KCTD16: variants seen among roughly 807,000 people sequenced by gnomAD.
KCTD16 encodes BTB/POZ domain-containing protein KCTD16.
A neutral mutation model predicts 33.2 loss-of-function variants in KCTD16; 13 were observed. That is an observed-to-expected ratio of 0.39 (90% CI 0.25 to 0.62). The LOEUF is 0.62. Among genes scored for constraint, KCTD16 ranks in the 20% least tolerant of loss-of-function variants. The pLI is 0.50. For synonymous variants in KCTD16, 197 were observed against 195.3 expected, an observed-to-expected ratio of 1.01 and a Z score of -0.07; for missense variants, 441 against 525.1, an observed-to-expected ratio of 0.84 and a Z score of 1.57.
chr5:144,430,228 T>A (rs2126968716), intron 3 of KCTD16, among the ~76,000 whole-genome samples: 1 of 152,302 alleles, frequency 6.6e-6, no homozygotes, highest in Non-Finnish European at 1.5e-5. Context: ...ACCAATGAGT[T>A]TCATTTTATA....
At chr5:144,286,722 T>TA (rs1755755697) in intron 3 of KCTD16, among the ~76,000 whole-genome samples, 1 of 152,210 alleles carries the variant, frequency 6.6e-6, no homozygotes, top group Non-Finnish European at 1.5e-5. Flanking sequence ...TCTCCATGAT[T>TA]AATTTTAAGA....
At chr5:144,290,227 A>G (rs1755858251) in intron 3 of KCTD16, among the ~76,000 whole-genome samples, 1 of 152,120 alleles carries the variant, frequency 6.6e-6, no homozygotes, top group Non-Finnish European at 1.5e-5. Flanking sequence ...TCCCTGAGGC[A>G]GAGATTGCAG....
At chr5:144,420,199 C>A (rs1028132307) in intron 3 of KCTD16, among the ~76,000 whole-genome samples, 2 of 152,026 alleles carry the variant, frequency 1.3e-5, no homozygotes, top group African/African-American at 4.8e-5. Context: ...AAAGTCTGTT[C>A]TGTGCGTTAT....
At chr5:144,256,953 T>C (rs1292703506) in intron 3 of KCTD16, among the ~76,000 whole-genome samples, 1 of 152,212 alleles carries the variant, frequency 6.6e-6, no homozygotes, top group African/African-American at 2.4e-5. Flanking sequence ...CTTAACTGTC[T>C]TTCTGAGAGG....
At chr5:144,221,765 C>A (rs1017692529) in intron 3 of KCTD16, among the ~76,000 whole-genome samples, 1 of 152,106 alleles carries the variant, frequency 6.6e-6, no homozygotes, top group African/African-American at 2.4e-5. Context: ...GATTTATAAT[C>A]CTTTGGGTAT....
chr5:144,355,323 A>T (rs1007106893), intron 3 of KCTD16, among the ~76,000 whole-genome samples: 1 of 152,214 alleles, frequency 6.6e-6, no homozygotes, highest in African/African-American at 2.4e-5. Flanking sequence ...AAATTCCAAA[A>T]TTTATCTTCT....
At chr5:144,388,108 C>T (rs1307589495) in intron 3 of KCTD16, among the ~76,000 whole-genome samples, 1 of 101,696 alleles carries the variant, frequency 9.8e-6, no homozygotes, top group East Asian at 3.1e-4. Context: ...GATGGAGTCT[C>T]GCTCTGTTGC....
chr5:144,352,029 C>A (rs1415946537), intron 3 of KCTD16, among the ~76,000 whole-genome samples: 1 of 152,266 alleles, frequency 6.6e-6, no homozygotes, highest in African/African-American at 2.4e-5. Flanking sequence ...TAGATTTTAA[C>A]TATTCTTAAC....
intron 3 of KCTD16, among the ~76,000 whole-genome samples, chr5:144,434,759 T>G (rs1580962090): frequency 6.6e-6 from 1 of 152,314 alleles, no homozygotes; most frequent in Admixed American, 6.5e-5. Flanking sequence ...ATAGAGGTGG[T>G]TATTATCACT....
chr5:144,347,920 G>A (rs1020019515), intron 3 of KCTD16, among the ~76,000 whole-genome samples: 5 of 152,168 alleles, frequency 3.3e-5, no homozygotes, highest in African/African-American at 9.7e-5. Context: ...AGCAGCTGGT[G>A]CGGTAGCTGA....
intron 3 of KCTD16, among the ~76,000 whole-genome samples, chr5:144,320,917 G>A (rs767605637): frequency 3.1e-4 from 47 of 152,206 alleles, no homozygotes; most frequent in East Asian, 1.9e-4. Context: ...GTGCAATGGC[G>A]TGATCTCGGC....
rs1753965350 is a variant in KCTD16, at chr5:144,227,365, A to G, written c.832+19819A>G. Among the ~76,000 whole-genome samples the G allele has an allele frequency of 5.3e-5, 8 of 152,292 alleles. No homozygotes were observed. In the South Asian group the frequency reaches 1.7e-3, roughly 32 times the overall value. On this transcript the variant is annotated intron_variant, in intron 3 of 3. Transcript: ENST00000512467. Reference sequence around the variant, plus strand: ...CCTGAGGTTGGAGAGTGCTGGGTCTATTGGAGAAGAAGCTTAGAAGGGTAG... The same window carrying G: ...CCTGAGGTTGGAGAGTGCTGGGTCTGTTGGAGAAGAAGCTTAGAAGGGTAG...
intron 3 of KCTD16, among the ~76,000 whole-genome samples, chr5:144,416,483 G>A (rs1050682856): frequency 6.6e-6 from 1 of 152,146 alleles, no homozygotes; most frequent in African/African-American, 2.4e-5. Flanking sequence ...GTTCTTTGAA[G>A]AACTAAGATG....
At chr5:144,429,221 T>C (rs1468337970) in intron 3 of KCTD16, among the ~76,000 whole-genome samples, 1 of 152,124 alleles carries the variant, frequency 6.6e-6, no homozygotes, top group East Asian at 1.9e-4. Context: ...ATTATGAATG[T>C]ATTTGTCAGT....
chr5:144,305,359 A>G (rs1751573413), intron 3 of KCTD16, among the ~76,000 whole-genome samples: 1 of 152,166 alleles, frequency 6.6e-6, no homozygotes, highest in African/African-American at 2.4e-5. Flanking sequence ...TCAGAATGTG[A>G]CTGTATTTGG....
At chr5:144,357,324 AG>A (rs1193562618) in intron 3 of KCTD16, among the ~76,000 whole-genome samples, 1 of 152,196 alleles carries the variant, frequency 6.6e-6, no homozygotes, top group Non-Finnish European at 1.5e-5. Context: ...AAACCAAGTC[AG>A]GTAGGGGTGA....
At chr5:144,217,924 T>C (rs1486400801) in intron 3 of KCTD16, among the ~76,000 whole-genome samples, 1 of 152,192 alleles carries the variant, frequency 6.6e-6, no homozygotes, top group Non-Finnish European at 1.5e-5. Flanking sequence ...TGACCTTCTT[T>C]AATAGGCAGA....
intron 3 of KCTD16, among the ~76,000 whole-genome samples, chr5:144,287,360 C>T (rs554224873): frequency 8.1e-6 from 1 of 123,844 alleles, no homozygotes; most frequent in South Asian, 2.3e-4. Flanking sequence ...CAGAGCACAG[C>T]TGCCAGGCCC....
intron 3 of KCTD16, among the ~76,000 whole-genome samples, chr5:144,436,274 T>A (rs1032747770): frequency 2.0e-5 from 3 of 152,222 alleles, no homozygotes; most frequent in Non-Finnish European, 2.9e-5. Context: ...CTACTTATTA[T>A]GATTAATATG....
Sources: gnomAD v4.1 joint callset for allele counts (sites outside exome capture counted in the v4.1 genomes callset) on GRCh38, gnomAD v4.1.1 for gene constraint, MANE v1.5 for transcripts, NCBI Gene and HGNC (gene_info 2026-07-23, HGNC 2026-07-21) for gene names.